SF3B1: variants seen among roughly 807,000 people sequenced by gnomAD.
SF3B1 encodes pre-mRNA processing 10.
A neutral mutation model predicts 153.8 loss-of-function variants in SF3B1; 12 were observed. The observed-to-expected ratio is 0.08, with a 90% CI of 0.05 to 0.13. The LOEUF is 0.13. Among genes scored for constraint, SF3B1 ranks in the 10% least tolerant of loss-of-function variants. SF3B1 has a pLI of 1.00. For synonymous variants in SF3B1, 498 were observed against 525.2 expected (o/e 0.95, Z 0.71); for missense variants, 513 against 1,606.1 (o/e 0.32, Z 11.63).
chr2:197,423,734 C>T, intron 2 of SF3B1, 74 bp downstream of exon 2: 1 of 1,450,152 alleles, frequency 6.9e-7, no homozygotes, highest in Non-Finnish European at 9.6e-7. Context: ...AACCAGATGG[C>T]TGCAACAAAA....
intron 21 of SF3B1, 72 bp from the exon 22 acceptor site, chr2:197,398,188 G>T: frequency 2.4e-6 from 3 of 1,253,468 alleles, no homozygotes; most frequent in Non-Finnish European, 3.4e-6. Flanking sequence ...TGCAAATTCA[G>T]TTCTAAAAAC....
At chr2:197,424,127 C>T (rs951248292) in intron 1 of SF3B1, among the ~76,000 whole-genome samples, 153 bp from the exon 2 acceptor site, 2 of 152,188 alleles carry the variant, frequency 1.3e-5, no homozygotes, top group Non-Finnish European at 1.5e-5. Flanking sequence ...ATCACAACAG[C>T]GTAAGCAAGC....
At chr2:197,411,665 C>T (rs1246584777) in intron 6 of SF3B1, among the ~76,000 whole-genome samples, 1 of 149,298 alleles carries the variant, frequency 6.7e-6, no homozygotes, top group Non-Finnish European at 1.5e-5. Flanking sequence ...GAGTGAGACC[C>T]CGTCTCAAAA....
At chr2:197,423,648 A>G (rs1181366448) in intron 2 of SF3B1, among the ~76,000 whole-genome samples, 160 bp downstream of exon 2, 1 of 152,238 alleles carries the variant, frequency 6.6e-6, no homozygotes, top group Non-Finnish European at 1.5e-5. Context: ...ATTTCCAGTG[A>G]AGTTTCTGAA....
At position 197,421,127 on chromosome 2, in the gene SF3B1, C is replaced by T. The variant is rs1360783408; in HGVS notation, c.202G>A (p.Asp68Asn). The T allele has an allele frequency of 2.5e-6, 4 of 1,607,904 alleles. No individual in the cohort carries two copies. The highest frequency in any genetic ancestry group is 3.4e-6 in the Non-Finnish European group (4 of 1,175,758). ...AAACTCGTAGATGATGAATAGTCATCGTCATCCTGCAATGAAAACCCCCCA... is the reference window on the plus strand; with the variant it reads ...AAACTCGTAGATGATGAATAGTCATTGTCATCCTGCAATGAAAACCCCCCA... ...IAATELEDDDDDYSSSTSLLG... is the reference protein window; with the variant it reads ...IAATELEDDDNDYSSSTSLLG... The change falls in exon 3 of 25, where the codon GAT becomes AAT. Residue 68 changes from aspartate to asparagine, a missense_variant. By Grantham distance (23) the Asp-to-Asn change is conservative. This residue lies in a region of SF3B1 where 56 missense variants were observed against 75.6 expected (regional missense o/e 0.74). Transcript: ENST00000335508.
rs1239271340 is a variant in SF3B1 at position 197,408,387 on chromosome 2, T to C, written c.1099A>G (p.Met367Val). ...GTTCTACCTGGAGTAGGGGTAGCCA[T>C]GTTCATGGCTGGTGTGCCAATTGGT... ...KTPIGTPAMN[M>V]ATPTPGHIMS... The change falls in exon 8 of 25, where the codon ATG becomes GTG. Residue 367 changes from methionine (M) to valine (V), a missense_variant. By Grantham distance (21) the Met-to-Val change is conservative (BLOSUM62 1). Around this residue, in one of 21 missense-constraint regions of SF3B1, gnomAD observed 91 missense variants for 157.4 expected, o/e 0.58. Coordinates refer to ENST00000335508, the MANE Select transcript of SF3B1 (RefSeq NM_012433.4). 1 of 1,614,158 alleles carries C rather than the reference T, an allele frequency of 6.2e-7. No individual in the cohort carries two copies. Among genetic ancestry groups the C allele is most frequent in the Non-Finnish European group, 8.5e-7 (1 of 1,179,998 alleles).
chr2:197,413,588 G>C (rs187427852), intron 6 of SF3B1, among the ~76,000 whole-genome samples: 255 of 152,122 alleles, frequency 1.7e-3, no homozygotes, highest in Middle Eastern at 6.8e-3. Context: ...TGATCTGATA[G>C]GTTTTTTCTT....
chr2:197,407,592 G>A (rs2085011340), intron 9 of SF3B1, among the ~76,000 whole-genome samples: 2 of 147,072 alleles, frequency 1.4e-5, no homozygotes, highest in Non-Finnish European at 3.0e-5. Flanking sequence ...GCAACAGAGT[G>A]AGACTCCATC....
intron 5 of SF3B1, among the ~76,000 whole-genome samples, chr2:197,417,975 C>A (rs536786640): frequency 1.3e-4 from 20 of 151,976 alleles, no homozygotes; most frequent in African/African-American, 4.8e-4. Context: ...GTGGCTCACA[C>A]CTGTAATCCC....
intron 9 of SF3B1, among the ~76,000 whole-genome samples, chr2:197,406,347 A>G (rs955152053): frequency 6.6e-6 from 1 of 152,112 alleles, no homozygotes; most frequent in African/African-American, 2.4e-5. Context: ...TTTGTCTATT[A>G]AAGATTAAAT....
intron 2 of SF3B1, among the ~76,000 whole-genome samples, chr2:197,421,538 T>A (rs1254511349): frequency 6.6e-6 from 1 of 152,182 alleles, no homozygotes; most frequent in African/African-American, 2.4e-5. Flanking sequence ...TAGAAACAAA[T>A]ATTTAATTTT....
At chr2:197,425,003 T>C (rs1450396405) in intron 1 of SF3B1, among the ~76,000 whole-genome samples, 1 of 151,726 alleles carries the variant, frequency 6.6e-6, no homozygotes, top group Non-Finnish European at 1.5e-5. Flanking sequence ...CCAGTAAAAA[T>C]ACAAAGTTAG....
chr2:197,405,017 A>AT, intron 11 of SF3B1, 59 bp downstream of exon 11: 15 of 1,226,970 alleles, frequency 1.2e-5, no homozygotes, highest in East Asian at 2.6e-5. Context: ...AAAACTACAA[A>AT]TTTTTTTTAA....
chr2:197,408,433 T>C lies in SF3B1; in HGVS notation c.1053A>G (p.Pro351=), dbSNP rs147875242. The C allele has an allele frequency of 3.7e-6, 6 of 1,614,050 alleles. No individual in the cohort carries two copies. The highest frequency in any genetic ancestry group is 5.1e-6 in the Non-Finnish European group (6 of 1,180,024). ...TTGGTGTCTTTCCAGGGGTCAGAAC[T>C]GGAGTGCTTCCACCCATCTGACTAG... ...TPASQMGGST[P]VLTPGKTPIG... The change falls in exon 8 of 25, where the codon CCA becomes CCG. Residue 351 remains proline (P), a synonymous_variant. Coordinates refer to ENST00000335508, the MANE Select transcript of SF3B1 (RefSeq NM_012433.4).
intron 5 of SF3B1, among the ~76,000 whole-genome samples, chr2:197,418,075 A>G (rs2106006890): frequency 6.6e-6 from 1 of 151,368 alleles, no homozygotes; most frequent in South Asian, 2.1e-4. Context: ...ATCTCTACTA[A>G]AAATACAAAA....
chr2:197,401,594 A>C lies in SF3B1; in HGVS notation c.2371-69T>G, dbSNP rs2084937635. 6.7e-7 allele frequency: 1 copy of C among 1,501,980 alleles called. No homozygotes were observed. The highest frequency in any genetic ancestry group is 2.1e-5 in the Admixed American group (1 of 48,666). 93.0% of individuals were successfully genotyped at this position (1,501,980 alleles called of 1,614,324 possible). A position where few individuals can be genotyped will look rare whatever the true frequency, so the allele number is the denominator to read the frequency against. ...ATGAAGAGAATACTCATTGCTGATT[A>C]CGTGATTTTAAAAAATAAAATTTAA... On this transcript the variant is annotated intron_variant, in intron 16 of 24. Transcript: ENST00000335508. This position sits in a 1 kb window ranked among gnomAD's most constrained non-coding sequence, Gnocchi z 4.2.
chr2:197,404,949 A>G, intron 11 of SF3B1, 127 bp downstream of exon 11: 1 of 623,206 alleles, frequency 1.6e-6, no homozygotes, highest in South Asian at 2.2e-5. Flanking sequence ...GAGGTAGGCC[A>G]AAGCAGGAGG....
At chr2:197,422,292 T>G (rs1403968018) in intron 2 of SF3B1, among the ~76,000 whole-genome samples, 1 of 151,792 alleles carries the variant, frequency 6.6e-6, no homozygotes, top group Admixed American at 6.6e-5. Flanking sequence ...AAAATGTGAC[T>G]TGAATTTCTT....
At position 197,389,831 on chromosome 2, in the gene SF3B1, G is replaced by A. The variant is rs1173142628; in HGVS notation, c.*2472C>T. 6.6e-6 allele frequency: 1 copy of A among 152,036 alleles called. No individual in the cohort carries two copies. Among genetic ancestry groups the A allele is most frequent in the South Asian group, 2.1e-4 (1 of 4,818 alleles). The allele number at this position is 152,036 out of a possible 1,614,324, so 9.4% of individuals were successfully genotyped here. On this transcript the variant is annotated 3_prime_UTR_variant, in exon 25 of 25. Transcript: ENST00000335508. ...CATCTAGTGGTACTTGGTGCTCACA[G>A]GGCACTGTACAACAAATTTTAAAAA...
Sources: allele counts gnomAD v4.1 joint callset (sites outside exome capture counted in the v4.1 genomes callset), GRCh38; gene constraint gnomAD v4.1.1; regional missense constraint gnomAD v4.1.1; non-coding constraint Gnocchi (gnomAD v3.1); transcripts MANE v1.5; gene names NCBI Gene and HGNC (gene_info 2026-07-23, HGNC 2026-07-21).